Variants in PCLO observed in about 807,000 individuals in gnomAD.
PCLO encodes piccolo presynaptic cytomatrix protein.
PCLO carries 82 observed loss-of-function variants against 427.5 expected under a neutral mutation model. The ratio of observed to expected loss-of-function variants is 0.19; its 90% CI spans 0.16 to 0.23. The LOEUF (loss-of-function observed/expected upper bound fraction) is 0.23, where lower values mean the gene tolerates loss of function less well. PCLO is among the 10% of genes least tolerant of loss of function. The pLI, the probability that PCLO is intolerant of heterozygous loss-of-function variation, is 1.00. For synonymous variants in PCLO, 2,357 were observed against 2,155.4 expected (o/e 1.09, Z -2.59); for missense variants, 6,239 against 6,115.9 (o/e 1.02, Z -0.67).
chr7:83,103,627 A>G (rs1790786980), intron 3 of PCLO, among the ~76,000 whole-genome samples: 1 of 152,120 alleles, frequency 6.6e-6, no homozygotes, highest in Admixed American at 6.6e-5. Context: ...TTGCCAAACC[A>G]TAATAAATAC....
intron 20 of PCLO, among the ~76,000 whole-genome samples, chr7:82,811,061 T>C (rs1180672338): frequency 6.6e-6 from 1 of 151,688 alleles, no homozygotes; most frequent in Non-Finnish European, 1.5e-5. Flanking sequence ...TATTTCCAAA[T>C]ATTCTGAGGA....
chr7:82,810,640 A>G (rs768138210), intron 20 of PCLO, among the ~76,000 whole-genome samples: 3 of 151,846 alleles, frequency 2.0e-5, no homozygotes, highest in Non-Finnish European at 4.4e-5. Flanking sequence ...AATCTGTTTT[A>G]AATTATTCTT....
intron 9 of PCLO, among the ~76,000 whole-genome samples, chr7:82,891,940 C>T (rs866738103): frequency 6.6e-6 from 1 of 151,962 alleles, no homozygotes; most frequent in East Asian, 1.9e-4. Context: ...AATGGAAGAA[C>T]ATTCCATGAT....
intron 3 of PCLO, among the ~76,000 whole-genome samples, chr7:82,967,683 T>A (rs1795810075): frequency 6.6e-6 from 1 of 152,180 alleles, no homozygotes; most frequent in South Asian, 2.1e-4. Context: ...TACTCTCTGA[T>A]AAGAATATAG....
intron 10 of PCLO, among the ~76,000 whole-genome samples, chr7:82,871,535 T>C (rs1030022752): frequency 6.6e-6 from 1 of 151,884 alleles, no homozygotes; most frequent in African/African-American, 2.4e-5. Flanking sequence ...TAGAGTTTGA[T>C]AGCACAAAGG....
chr7:82,879,997 G>A, intron 9 of PCLO: 1 of 314,270 alleles, frequency 3.2e-6, no homozygotes, highest in Non-Finnish European at 6.1e-6. Flanking sequence ...TACAAGACAC[G>A]ATAAAATTAT....
intron 8 of PCLO, among the ~76,000 whole-genome samples, chr7:82,905,578 C>A (rs1029350190): frequency 6.6e-6 from 1 of 151,906 alleles, no homozygotes; most frequent in Admixed American, 6.6e-5. Context: ...AAACACTTAC[C>A]CCAGATTTCT....
chr7:83,138,691 T>G (rs891886700), intron 2 of PCLO, among the ~76,000 whole-genome samples: 2 of 151,338 alleles, frequency 1.3e-5, no homozygotes, highest in African/African-American at 4.9e-5. Context: ...ATCCCTGTCC[T>G]GATGGAGGCT....
At chr7:82,926,932 G>A (rs1273751598) in intron 6 of PCLO, among the ~76,000 whole-genome samples, 1 of 151,518 alleles carries the variant, frequency 6.6e-6, no homozygotes, top group Non-Finnish European at 1.5e-5. Context: ...TCCTTCCTTT[G>A]TATGAAATCA....
intron 10 of PCLO, among the ~76,000 whole-genome samples, chr7:82,867,905 A>T (rs1179674610): frequency 6.6e-6 from 1 of 152,170 alleles, no homozygotes; most frequent in East Asian, 1.9e-4. Context: ...ATGTGGTGTG[A>T]TATCACTACA....
chr7:82,956,851 C>T lies in PCLO; in HGVS notation c.4102G>A (p.Asp1368Asn), dbSNP rs533061339. 7.4e-6 allele frequency: 12 copies of T among 1,613,842 alleles called. No homozygotes were observed. The highest frequency in any genetic ancestry group is 2.7e-5 in the African/African-American group (2 of 75,036). The change falls in exon 5 of 25, where the codon GAT becomes AAT. Residue 1368 changes from aspartate to asparagine, a missense_variant. This residue lies in a region of PCLO where 4,677 missense variants were observed against 4,468.4 expected (regional missense o/e 1.05). Coordinates refer to ENST00000333891, the MANE Select transcript of PCLO (RefSeq NM_033026.6). ...QGLSDTGYSS[D>N]GISSSLGEIP... ...TCACCAAGTGAGCTTGATATTCCAT[C>T]GGAAGAATATCCCGTGTCGCTCAGA...
intron 22 of PCLO, among the ~76,000 whole-genome samples, chr7:82,788,815 C>T (rs80207830): frequency 2.9e-3 from 437 of 151,568 alleles, no homozygotes; most frequent in Non-Finnish European, 4.6e-3. Flanking sequence ...TTCCATAACA[C>T]GTCTCCATGT....
At chr7:82,996,207 T>C (rs1169281149) in intron 3 of PCLO, among the ~76,000 whole-genome samples, 1 of 151,968 alleles carries the variant, frequency 6.6e-6, no homozygotes, top group African/African-American at 2.4e-5. Flanking sequence ...TACCAAAATA[T>C]TAATAGTAGC....
chr7:82,849,825 A>G lies in PCLO; in HGVS notation c.13655-2578T>C, dbSNP rs186296144. Among the ~76,000 whole-genome samples the G allele has an allele frequency of 2.9e-3, 443 of 152,176 alleles. 1 individual carries two copies. The highest frequency in any genetic ancestry group is 5.3e-3 in the Non-Finnish European group (360 of 67,994). On this transcript the variant is annotated intron_variant, in intron 10 of 24. Coordinates refer to ENST00000333891, the MANE Select transcript of PCLO (RefSeq NM_033026.6). Reference sequence around the variant, plus strand: ...TTTTAGTCTCAAAACAGCTTTTCACACTGCGTTTTAGAAAGATTTTCTGGA... The same window carrying G: ...TTTTAGTCTCAAAACAGCTTTTCACGCTGCGTTTTAGAAAGATTTTCTGGA...
intron 3 of PCLO, among the ~76,000 whole-genome samples, chr7:83,076,632 T>C (rs528161741): frequency 1.4e-5 from 2 of 144,488 alleles, no homozygotes; most frequent in South Asian, 4.4e-4. Context: ...TCCTTTTTTT[T>C]TTTTTTTGCA....
At chr7:83,120,043 C>A (rs1290897115) in intron 3 of PCLO, among the ~76,000 whole-genome samples, 1 of 151,736 alleles carries the variant, frequency 6.6e-6, no homozygotes, top group Non-Finnish European at 1.5e-5. Context: ...AGAAAACAGT[C>A]TCAACAGGGA....
At position 83,114,283 on chromosome 7, in the gene PCLO, T is replaced by A. The variant is rs920005342; in HGVS notation, c.3300+19967A>T. Among the ~76,000 whole-genome samples the A allele has an allele frequency of 3.3e-5, 5 of 152,104 alleles. No homozygotes were observed. In the East Asian group the frequency reaches 7.7e-4, roughly 23 times the overall value. On this transcript the variant is annotated intron_variant, in intron 3 of 24. Transcript: ENST00000333891. ...TGTACAAATAAACAGGGAATTGCGA[T>A]GCTATATAAGAGGGCTGACTGGAGT...
In PCLO at chr7:82,954,779, T is replaced by C. The variant is rs147497968; in HGVS notation, c.6174A>G (p.Leu2058=). Residue 2058 remains leucine (L), a synonymous_variant, in exon 5 of 25, where the codon CTA becomes CTG. Transcript: ENST00000333891. ...CTTCATAGGCAGCATCAGCATCTAG[T>C]AGTTTCCTTTCTTCTTCTGTAGAAG... ...MVTSTEEERK[L]LDADAAYEEL... 11,255 of 1,613,796 alleles carry C rather than the reference T, an allele frequency of 7.0e-3. 63 individuals carry two copies. Among genetic ancestry groups the C allele is most frequent in the Non-Finnish European group, 8.4e-3 (9,939 of 1,179,810 alleles).
At chr7:82,898,570 T>C (rs1242111234) in intron 9 of PCLO, among the ~76,000 whole-genome samples, 1 of 151,404 alleles carries the variant, frequency 6.6e-6, no homozygotes, top group East Asian at 1.9e-4. Flanking sequence ...AATTCACTAA[T>C]GGCCATTTTC....
Sources: allele counts gnomAD v4.1 joint callset (sites outside exome capture counted in the v4.1 genomes callset), GRCh38; gene constraint gnomAD v4.1.1; regional missense constraint gnomAD v4.1.1; transcripts MANE v1.5; gene names NCBI Gene and HGNC (gene_info 2026-07-23, HGNC 2026-07-21).